CCDC149: variants seen among roughly 807,000 people sequenced by gnomAD.
CCDC149 encodes coiled-coil domain containing 149, also known as coiled-coil domain-containing protein 149.
A neutral mutation model predicts 59.9 loss-of-function variants in CCDC149; 45 were observed. The ratio of observed to expected loss-of-function variants is 0.75; its 90% CI spans 0.59 to 0.96. The LOEUF (loss-of-function observed/expected upper bound fraction) is 0.96, where lower values mean the gene tolerates loss of function less well. Ranked by LOEUF, CCDC149 falls within the 40% of genes least tolerant of loss-of-function variation. The pLI, the probability that CCDC149 is intolerant of heterozygous loss-of-function variation, is 0.00. For missense variants in CCDC149, 584 were observed against 664.7 expected (o/e 0.88, Z 1.33); for synonymous variants, 245 against 260.6 (o/e 0.94, Z 0.58).
At chr4:24,934,701 G>A (rs748940465) in intron 1 of CCDC149, among the ~76,000 whole-genome samples, 12 of 152,188 alleles carry the variant, frequency 7.9e-5, no homozygotes, top group Non-Finnish European at 1.6e-4. Flanking sequence ...TGAAGTGAGT[G>A]GTTGAGCCAC....
chr4:24,848,061 C>T (rs572933526), intron 4 of CCDC149, among the ~76,000 whole-genome samples: 4 of 152,162 alleles, frequency 2.6e-5, no homozygotes, highest in Non-Finnish European at 5.9e-5. Context: ...ATAAAAAATT[C>T]ATAAGATTTA....
Position 24,852,947 on chromosome 4 carries a change from T to C in CCDC149, c.372+125A>G, listed in dbSNP as rs183328943. 22 of 674,650 alleles carry C rather than the reference T, an allele frequency of 3.3e-5. No individual in the cohort carries two copies. The African/African-American group carries it at 3.5e-4, about 11-fold the overall frequency. The allele number at this position is 674,650 out of a possible 1,614,324, so 41.8% of individuals were successfully genotyped here. A position where few individuals can be genotyped will look rare whatever the true frequency, so the allele number is the denominator to read the frequency against. On this transcript the variant is annotated intron_variant, in intron 4 of 12. Transcript: ENST00000635206. ...TACGCTAAACTGCGAATTTTCATTA[T>C]AAATTTAAAAATCTATAACAAACTT...
chr4:24,971,340 C>G (rs767895665), intron 1 of CCDC149, among the ~76,000 whole-genome samples: 14 of 152,176 alleles, frequency 9.2e-5, no homozygotes, highest in Non-Finnish European at 1.6e-4. Flanking sequence ...GGGGGACGCC[C>G]TCGGCCTGGG....
At chr4:24,854,836 T>G (rs1717900907) in intron 3 of CCDC149, among the ~76,000 whole-genome samples, 1 of 152,144 alleles carries the variant, frequency 6.6e-6, no homozygotes, top group South Asian at 2.1e-4. Context: ...CAGGGCCCTA[T>G]TCTCTCTGTT....
At chr4:24,896,276 G>A (rs1720840480) in intron 1 of CCDC149, among the ~76,000 whole-genome samples, 2 of 152,182 alleles carry the variant, frequency 1.3e-5, no homozygotes, top group African/African-American at 4.8e-5. Flanking sequence ...ATAAGGAAAT[G>A]GGGGGTAAGG....
intron 1 of CCDC149, among the ~76,000 whole-genome samples, chr4:24,877,910 C>G (rs1719566565): frequency 6.6e-6 from 1 of 152,146 alleles, no homozygotes; most frequent in African/African-American, 2.4e-5. Context: ...TAGTATTATT[C>G]ACATATGTGA....
At chr4:24,820,697 A>T (rs889191891) in intron 11 of CCDC149, among the ~76,000 whole-genome samples, 3 of 152,114 alleles carry the variant, frequency 2.0e-5, no homozygotes, top group African/African-American at 4.8e-5. Context: ...TCATAACATG[A>T]TTCTTCATCA....
At chr4:24,805,696 T>C (rs1182936867), downstream of CCDC149, among the ~76,000 whole-genome samples, 3 of 152,226 alleles carry the variant, frequency 2.0e-5, no homozygotes, top group South Asian at 4.1e-4. Flanking sequence ...CAAGGTCTCA[T>C]GCGACCACAA....
upstream of CCDC149, among the ~76,000 whole-genome samples, chr4:24,915,349 C>A (rs187062010): frequency 1.3e-5 from 2 of 152,342 alleles, no homozygotes; most frequent in East Asian, 1.9e-4. Context: ...TCCTTGTCTG[C>A]ACCTTGCTCT....
At chr4:24,943,129 G>C (rs1364231283) in intron 1 of CCDC149, among the ~76,000 whole-genome samples, 2 of 152,070 alleles carry the variant, frequency 1.3e-5, no homozygotes, top group African/African-American at 4.8e-5. Context: ...GAGGCATCAC[G>C]ATACCTGACT....
At chr4:24,903,450 T>G (rs552900051) in intron 1 of CCDC149, among the ~76,000 whole-genome samples, 5 of 152,066 alleles carry the variant, frequency 3.3e-5, no homozygotes, top group Non-Finnish European at 5.9e-5. Flanking sequence ...GCGCTGAAAT[T>G]TGGGGGACAC....
chr4:24,961,157 TG>T (rs1186351959), intron 1 of CCDC149, among the ~76,000 whole-genome samples: 1 of 152,170 alleles, frequency 6.6e-6, no homozygotes, highest in Non-Finnish European at 1.5e-5. Flanking sequence ...TCTAGTTCAT[TG>T]GAAGATGCTG....
At chr4:24,973,825 T>G (rs555696687) in intron 1 of CCDC149, among the ~76,000 whole-genome samples, 1 of 152,236 alleles carries the variant, frequency 6.6e-6, no homozygotes, top group Non-Finnish European at 1.5e-5. Context: ...GAGAGCTGCT[T>G]CTTAACCAGC....
At chr4:24,809,467 G>A (rs1440605728) in intron 12 of CCDC149, among the ~76,000 whole-genome samples, 2 of 152,218 alleles carry the variant, frequency 1.3e-5, no homozygotes, top group Non-Finnish European at 2.9e-5. Flanking sequence ...AGCCCTTAAA[G>A]TGCTGACATC....
chr4:24,819,630 C>T (rs1041310186), intron 12 of CCDC149, among the ~76,000 whole-genome samples: 4 of 152,178 alleles, frequency 2.6e-5, no homozygotes, highest in African/African-American at 9.7e-5. Flanking sequence ...ACAGGGTCCT[C>T]ACTCTTAACC....
rs1327147177 is a variant in CCDC149 at position 24,819,992 on chromosome 4, GA to G, written c.1076-18del. On this transcript the variant is annotated intron_variant, in intron 11 of 12. Coordinates refer to ENST00000635206, the MANE Select transcript of CCDC149 (RefSeq NM_001330643.2). ...CCTTGCCCCCTGTTGCAGAAAAGAG[GA>G]AAATGGATGTCTTATATCATCAGTG... The G allele has an allele frequency of 2.6e-6, 4 of 1,523,876 alleles. No homozygotes were observed. The South Asian group carries it at 3.6e-5, about 14-fold the overall frequency. The allele number at this position is 1,523,876 out of a possible 1,614,324, so 94.4% of individuals were successfully genotyped here. A position where few individuals can be genotyped will look rare whatever the true frequency, so the allele number is the denominator to read the frequency against.
rs184575497 is a variant in CCDC149, at chr4:24,909,372, C to T, written c.63+3445G>A. On this transcript the variant is annotated intron_variant, in intron 1 of 12. Transcript: ENST00000635206. ...CTTCTGCCAGGTCCCCAAACCATTT[C>T]GTAACACCACAGCTGCTGAGCACAC... Among the ~76,000 whole-genome samples the T allele has an allele frequency of 4.6e-5, 7 of 152,220 alleles. No homozygotes were observed. The East Asian group carries it at 5.8e-4, about 13-fold the overall frequency.
chr4:24,945,022 T>C (rs1723065693), intron 1 of CCDC149, among the ~76,000 whole-genome samples: 1 of 152,216 alleles, frequency 6.6e-6, no homozygotes, highest in African/African-American at 2.4e-5. Context: ...AGTTGGAAGA[T>C]GCCTGTGCAG....
chr4:24,852,252 C>T (rs1285200174), intron 4 of CCDC149, among the ~76,000 whole-genome samples: 1 of 150,046 alleles, frequency 6.7e-6, no homozygotes, highest in Non-Finnish European at 1.5e-5. Flanking sequence ...CATCTAAAAA[C>T]ATTTCCCCAA....
Sources: allele counts gnomAD v4.1 joint callset (sites outside exome capture counted in the v4.1 genomes callset), GRCh38; gene constraint gnomAD v4.1.1; transcripts MANE v1.5; gene names NCBI Gene and HGNC (gene_info 2026-07-23, HGNC 2026-07-21).